Variants in VCAN observed in about 807,000 individuals in gnomAD.
VCAN encodes the protein versican.
In VCAN, 44 loss-of-function variants were observed where a neutral mutation model predicts 245.5. That is an observed-to-expected ratio of 0.18 (90% CI 0.14 to 0.23). The LOEUF (loss-of-function observed/expected upper bound fraction) is 0.23, where lower values mean the gene tolerates loss of function less well. VCAN is among the 10% of genes least tolerant of loss of function. VCAN has a pLI of 1.00. For synonymous variants in VCAN, 1,413 were observed against 1,437.0 expected (o/e 0.98, Z 0.38); for missense variants, 3,793 against 4,057.9 (o/e 0.93, Z 1.77).
intron 8 of VCAN, among the ~76,000 whole-genome samples, chr5:83,544,133 G>A (rs2112454438): frequency 6.6e-6 from 1 of 152,346 alleles, no homozygotes; most frequent in Non-Finnish European, 1.5e-5. Context: ...GGCAGCATGT[G>A]GCTATGGCGT....
chr5:83,528,836 C>T (rs1216633411), intron 7 of VCAN, among the ~76,000 whole-genome samples: 2 of 152,040 alleles, frequency 1.3e-5, no homozygotes, highest in East Asian at 1.9e-4. Flanking sequence ...GAGTCAGTCT[C>T]TCCTTTGCTT....
Position 83,490,056 on chromosome 5 carries a change from G to T in VCAN, c.71-42G>T, listed in dbSNP as rs374980959. 6 of 1,611,766 alleles carry T rather than the reference G, an allele frequency of 3.7e-6. No individual in the cohort carries two copies. The African/African-American group carries it at 8.0e-5, about 21-fold the overall frequency. Reference sequence around the variant, plus strand: ...CACATATTGAATAGATTAAGTTTGGGTTTTTTAAGATTGTTAATTTGTTAT... The same window carrying T: ...CACATATTGAATAGATTAAGTTTGGTTTTTTTAAGATTGTTAATTTGTTAT... On this transcript the variant is annotated intron_variant, in intron 2 of 14. Coordinates refer to ENST00000265077, the MANE Select transcript of VCAN (RefSeq NM_004385.5).
chr5:83,483,050 T>C (rs884571), intron 1 of VCAN, among the ~76,000 whole-genome samples: 45,811 of 152,150 alleles, frequency 0.3, 7,765 homozygotes, highest in South Asian at 0.48. Flanking sequence ...GATGAAGATG[T>C]CTTTCTTTCA....
intron 3 of VCAN, 28 bp downstream of exon 3, chr5:83,490,500 T>C (rs767090808): frequency 3.1e-6 from 5 of 1,612,384 alleles, no homozygotes; most frequent in Non-Finnish European, 4.2e-6. Flanking sequence ...TGCAAGAAGG[T>C]AGTATAACAT....
At chr5:83,518,246 T>A (rs554057451) in intron 6 of VCAN, among the ~76,000 whole-genome samples, 3 of 149,688 alleles carry the variant, frequency 2.0e-5, no homozygotes, top group South Asian at 2.1e-4. Context: ...ATTTTTATTT[T>A]AAAAAAACAA....
At chr5:83,502,205 T>C (rs758371834) in intron 5 of VCAN, among the ~76,000 whole-genome samples, 1 of 152,196 alleles carries the variant, frequency 6.6e-6, no homozygotes, top group Non-Finnish European at 1.5e-5. Flanking sequence ...GGATTTTCTT[T>C]ATACACTCTC....
chr5:83,531,392 T>C (rs1746513464), intron 7 of VCAN: 1 of 152,164 alleles, frequency 6.6e-6, no homozygotes, highest in South Asian at 2.1e-4. Flanking sequence ...CTTCACATAG[T>C]AGGTTTCTGG....
At chr5:83,573,893 A>G (rs1748381190) in intron 13 of VCAN, among the ~76,000 whole-genome samples, 1 of 152,236 alleles carries the variant, frequency 6.6e-6, no homozygotes, top group African/African-American at 2.4e-5. Flanking sequence ...TGAGATCTTG[A>G]GAAATTTTAT....
At position 83,539,947 on chromosome 5, in the gene VCAN, T is replaced by C; in HGVS notation, c.6944T>C (p.Val2315Ala). 5 of 1,614,136 alleles carry C rather than the reference T, an allele frequency of 3.1e-6. No individual in the cohort carries two copies. The highest frequency in any genetic ancestry group is 4.2e-6 in the Non-Finnish European group (5 of 1,179,998). Residue 2315 changes from valine to alanine, a missense_variant, in exon 8 of 15, where the codon GTA becomes GCA. This residue lies in a region of VCAN where 3,182 missense variants were observed against 3,250.3 expected (regional missense o/e 0.98). Transcript: ENST00000265077. ...ENVAKEVGPL[V>A]SQTDIFEGSG... ...GTGGCAAAAGAAGTTGGACCACTCG[T>C]ATCTCAAACAGACATCTTTGAAGGT...
chr5:83,541,070 G>A lies in VCAN; in HGVS notation c.8067G>A (p.Thr2689=), dbSNP rs113287237. ...CAGAATTAGACGTTTTACTTCCCACGGCAACATCCCTGCCAATTCCTCGTA... is the reference window on the plus strand; with the variant it reads ...CAGAATTAGACGTTTTACTTCCCACAGCAACATCCCTGCCAATTCCTCGTA... ...TETELDVLLP[T]ATSLPIPRKS... The change falls in exon 8 of 15, where the codon ACG becomes ACA. Residue 2689 remains threonine, a synonymous_variant. Transcript: ENST00000265077. 257 of 1,613,858 alleles carry A rather than the reference G, an allele frequency of 1.6e-4. 3 individuals carry two copies. In the African/African-American group the frequency reaches 2.6e-3, roughly 17 times the overall value.
In VCAN at chr5:83,538,267, A is replaced by G. The variant is rs758435092; in HGVS notation, c.5264A>G (p.Glu1755Gly). The G allele has an allele frequency of 1.2e-5, 20 of 1,613,920 alleles. No individual in the cohort carries two copies. The Admixed American group carries it at 2.8e-4, about 23-fold the overall frequency. Reference protein sequence around the residue: ...QRSDQLILPFELESPNVATSS... With the variant: ...QRSDQLILPFGLESPNVATSS... The stretch of plus-strand genomic sequence containing the variant: ...TCGGATCAATTAATTTTACCCTTTG[A>G]ATTAGAAAGTCCAAATGTAGCTACA... Residue 1755 changes from glutamate to glycine, a missense_variant, in exon 8 of 15, where the codon GAA (glutamate) becomes GGA (glycine). Physicochemically the swap from Glu to Gly is moderately conservative, Grantham distance 98. Around this residue, in one of 5 missense-constraint regions of VCAN, gnomAD observed 3,182 missense variants for 3,250.3 expected, o/e 0.98. Coordinates refer to ENST00000265077, the MANE Select transcript of VCAN (RefSeq NM_004385.5).
chr5:83,570,447 G>C (rs998420572), intron 12 of VCAN, among the ~76,000 whole-genome samples: 9 of 152,026 alleles, frequency 5.9e-5, no homozygotes, highest in African/African-American at 1.9e-4. Flanking sequence ...TCAAACTTTA[G>C]ATCTTTTCAC....
At chr5:83,547,643 A>AG (rs1307392090) in intron 9 of VCAN, among the ~76,000 whole-genome samples, 1 of 152,046 alleles carries the variant, frequency 6.6e-6, no homozygotes, top group Admixed American at 6.6e-5. Context: ...CATTCGTTTT[A>AG]GGGCTTATCT....
chr5:83,538,949 C>G lies in VCAN; in HGVS notation c.5946C>G (p.His1982Gln). The change falls in exon 8 of 15, where the codon CAC becomes CAG. Residue 1982 changes from histidine (H) to glutamine (Q), a missense_variant. This residue lies in a region of VCAN where 3,182 missense variants were observed against 3,250.3 expected (regional missense o/e 0.98). Transcript: ENST00000265077. ...STVPTSVHIS[H>Q]ISDSEGPSST... ...TACCTACTTCAGTTCACATCAGTCA[C>G]ATATCTGACTCAGAAGGACCCAGTA... 2 of 1,614,056 alleles carry G rather than the reference C, an allele frequency of 1.2e-6. No homozygotes were observed. Among genetic ancestry groups the G allele is most frequent in the Non-Finnish European group, 1.7e-6 (2 of 1,179,976 alleles).
chr5:83,572,347 T>G, intron 12 of VCAN, 69 bp from the exon 13 acceptor site: 1 of 1,564,368 alleles, frequency 6.4e-7, no homozygotes, highest in South Asian at 1.1e-5. Context: ...GATTGTGATA[T>G]AATACCGTCG....
At chr5:83,491,593 C>T (rs1033190385) in intron 3 of VCAN, among the ~76,000 whole-genome samples, 2 of 152,030 alleles carry the variant, frequency 1.3e-5, no homozygotes, top group Non-Finnish European at 2.9e-5. Context: ...CTTCTGTTTA[C>T]GTATCACTTT....
rs947792662 is a variant in VCAN, at chr5:83,499,902, G to A, written c.748+5971G>A. The stretch of plus-strand genomic sequence containing the variant: ...AACTTTTCCATTTTTGTTACTTTAT[G>A]AGCTCCTTTAGATATGAAAATCTAA... On this transcript the variant is annotated intron_variant, in intron 5 of 14. Transcript: ENST00000265077. 5.9e-5 allele frequency among the ~76,000 whole-genome samples: 9 copies of A among 152,090 alleles called. No homozygotes were observed. In the South Asian group the frequency reaches 1.9e-3, roughly 32 times the overall value.
At chr5:83,506,219 G>T (rs1371181412) in intron 5 of VCAN, among the ~76,000 whole-genome samples, 1 of 152,292 alleles carries the variant, frequency 6.6e-6, no homozygotes, top group East Asian at 1.9e-4. Context: ...CGCAGAAAAT[G>T]GGTTTTCCTT....
chr5:83,580,080 T>C lies in VCAN; in HGVS notation c.9981T>C (p.Asp3327=). ...CCCTGATTAGATACCACTGCAAAGA[T>C]GGTTTCATTCAACGTCACCTTCCAA... The part of the protein sequence containing the change: ...INSLIRYHCK[D]GFIQRHLPTI... The change falls in exon 14 of 15, where the codon GAT becomes GAC. Residue 3327 remains aspartate, a synonymous_variant. Coordinates refer to ENST00000265077, the MANE Select transcript of VCAN (RefSeq NM_004385.5). The C allele has an allele frequency of 6.2e-7, 1 of 1,614,088 alleles. No individual in the cohort carries two copies. Among genetic ancestry groups the C allele is most frequent in the Non-Finnish European group, 8.5e-7 (1 of 1,179,994 alleles).
Sources: allele counts gnomAD v4.1 joint callset (sites outside exome capture counted in the v4.1 genomes callset), GRCh38; gene constraint gnomAD v4.1.1; regional missense constraint gnomAD v4.1.1; transcripts MANE v1.5; gene names NCBI Gene and HGNC (gene_info 2026-07-23, HGNC 2026-07-21).